The following WASF2 variants were observed in gnomAD, a reference collection of about 807,000 sequenced individuals.
WASF2 encodes the protein WASP family member 2.
A neutral mutation model predicts 45.0 loss-of-function variants in WASF2; 14 were observed. That is an observed-to-expected ratio of 0.31 (90% CI 0.21 to 0.49). The LOEUF is 0.49. Ranked by LOEUF, WASF2 falls within the 20% of genes least tolerant of loss-of-function variation. The probability of loss-of-function intolerance (pLI) is 0.99; values close to 1 mark genes in which losing one functional copy is unlikely to be tolerated. For synonymous variants in WASF2, 200 were observed against 236.3 expected (o/e 0.85, Z 1.41); for missense variants, 439 against 636.1 (o/e 0.69, Z 3.33).
chr1:27,423,632 TC>T (rs1228769172), intron 2 of WASF2, among the ~76,000 whole-genome samples: 12 of 152,244 alleles, frequency 7.9e-5, no homozygotes, highest in Non-Finnish European at 1.8e-4. Context: ...AGTGTCTTGT[TC>T]AGAGTTAAAT....
At chr1:27,476,197 G>A (rs1271860226) in intron 1 of WASF2, among the ~76,000 whole-genome samples, 1 of 152,222 alleles carries the variant, frequency 6.6e-6, no homozygotes, top group Non-Finnish European at 1.5e-5. Context: ...CTGATGAGAA[G>A]GTAAATGGTG....
At chr1:27,413,333 C>T (rs984122663) in intron 6 of WASF2, among the ~76,000 whole-genome samples, 2 of 152,176 alleles carry the variant, frequency 1.3e-5, no homozygotes, top group Non-Finnish European at 2.9e-5. Flanking sequence ...AAACCTGTCC[C>T]TCAGTGCACT....
Position 27,405,444 on chromosome 1 carries a change from T to TA in WASF2, c.*2744dup, listed in dbSNP as rs1197469324. 6.6e-6 allele frequency: 1 copy of TA among 152,198 alleles called. No individual in the cohort carries two copies. 9.4% of individuals were successfully genotyped at this position (152,198 alleles called of 1,614,324 possible). A position where few individuals can be genotyped will look rare whatever the true frequency, so the allele number is the denominator to read the frequency against. ...GAGGAGGCTCCTTGGCTTCGGCGCT[T>TA]AGGAGTCCTTATGGGCCATTGTTCC... On this transcript the variant is annotated 3_prime_UTR_variant, in exon 9 of 9. Coordinates refer to ENST00000618852, the MANE Select transcript of WASF2 (RefSeq NM_006990.5).
intron 1 of WASF2, among the ~76,000 whole-genome samples, chr1:27,464,991 T>A (rs2017595644): frequency 1.3e-5 from 2 of 152,236 alleles, no homozygotes; most frequent in Non-Finnish European, 2.9e-5. Context: ...CCTCCCAAAG[T>A]GCTGGGATTA....
intron 1 of WASF2, among the ~76,000 whole-genome samples, chr1:27,458,861 C>T (rs2017508975): frequency 6.6e-6 from 1 of 151,766 alleles, no homozygotes; most frequent in South Asian, 2.1e-4. Flanking sequence ...CGCAGAGGCT[C>T]ATGCCTGTAA....
intron 3 of WASF2, 147 bp downstream of exon 3, chr1:27,418,807 A>C (rs972154867): frequency 3.0e-6 from 3 of 1,002,322 alleles, no homozygotes; most frequent in East Asian, 2.6e-5. Context: ...TCTTTCCAGC[A>C]CTCAGGCTTG....
chr1:27,450,476 CCTTT>C (rs1351427526), intron 1 of WASF2, among the ~76,000 whole-genome samples: 7 of 152,016 alleles, frequency 4.6e-5, no homozygotes, highest in Non-Finnish European at 7.4e-5. Context: ...AAGCTGTCTG[CCTTT>C]CTTTTTTCCC....
At chr1:27,436,163 T>A (rs969731789) in intron 1 of WASF2, among the ~76,000 whole-genome samples, 1 of 152,218 alleles carries the variant, frequency 6.6e-6, no homozygotes, top group African/African-American at 2.4e-5. Context: ...TTAAAGAACA[T>A]GGCTGGGTGT....
intron 1 of WASF2, among the ~76,000 whole-genome samples, chr1:27,475,186 A>T (rs931117710): frequency 3.3e-5 from 5 of 152,128 alleles, no homozygotes; most frequent in Non-Finnish European, 7.4e-5. Context: ...CTGAGGCAGG[A>T]GTTCAAAGCT....
At chr1:27,423,546 G>A (rs985528585) in intron 2 of WASF2, among the ~76,000 whole-genome samples, 3 of 152,144 alleles carry the variant, frequency 2.0e-5, no homozygotes, top group Admixed American at 1.3e-4. Context: ...TAATTTGATA[G>A]TATCTATTCT....
At chr1:27,454,185 A>AT (rs1386019208) in intron 1 of WASF2, among the ~76,000 whole-genome samples, 40 of 7,952 alleles carry the variant, frequency 5.0e-3, no homozygotes, top group African/African-American at 0.012. Context: ...ATATATATAT[A>AT]TATTTTTTTT....
chr1:27,465,793 A>G (rs2017605042), intron 1 of WASF2, among the ~76,000 whole-genome samples: 1 of 152,194 alleles, frequency 6.6e-6, no homozygotes, highest in South Asian at 2.1e-4. Context: ...TGTGGTCTCT[A>G]AACACAATAT....
At chr1:27,476,915 TGACAGAAAAATAGTTCA>T in intron 1 of WASF2, among the ~76,000 whole-genome samples, 1 of 152,276 alleles carries the variant, frequency 6.6e-6, no homozygotes, top group East Asian at 1.9e-4. Context: ...GGTAATTCAG[TGACAGAAAAATAGTTCA>T]AACTATAATT....
intron 3 of WASF2, 138 bp from the exon 4 acceptor site, chr1:27,418,560 C>A (rs567729941): frequency 9.8e-6 from 12 of 1,218,364 alleles, no homozygotes; most frequent in South Asian, 4.5e-5. Flanking sequence ...TTTCCCTCCC[C>A]CTCTGGGGAA....
At chr1:27,427,116 A>T (rs994524652) in intron 2 of WASF2, among the ~76,000 whole-genome samples, 6 of 152,146 alleles carry the variant, frequency 3.9e-5, no homozygotes, top group Admixed American at 6.5e-5. Context: ...GCTGGTACAT[A>T]AAATATGTTC....
chr1:27,487,506 ATATGT>A (rs1557626429), intron 1 of WASF2, among the ~76,000 whole-genome samples: 1 of 114,388 alleles, frequency 8.7e-6, no homozygotes, highest in Non-Finnish European at 1.7e-5. Flanking sequence ...ATATTATAAT[ATATGT>A]TATATTATAT....
At chr1:27,446,788 A>C (rs942497567) in intron 1 of WASF2, among the ~76,000 whole-genome samples, 1 of 151,996 alleles carries the variant, frequency 6.6e-6, no homozygotes, top group African/African-American at 2.4e-5. Flanking sequence ...CTCCAAAAAA[A>C]AAAAAAAAAA....
intron 1 of WASF2, among the ~76,000 whole-genome samples, chr1:27,437,186 G>A (rs1020509909): frequency 6.6e-6 from 1 of 152,024 alleles, no homozygotes; most frequent in African/African-American, 2.4e-5. Flanking sequence ...TAAAATTGGG[G>A]GAATCTCTTT....
At position 27,409,803 on chromosome 1, in the gene WASF2, C is replaced by T. The variant is rs2016735205; in HGVS notation, c.1228G>A (p.Ala410Thr). The T allele has an allele frequency of 1.3e-6, 2 of 1,562,856 alleles. No homozygotes were observed. The highest frequency in any genetic ancestry group is 3.7e-5 in the Admixed American group (2 of 53,492). Residue 410 changes from alanine to threonine, a missense_variant, in exon 8 of 9, where the codon GCA becomes ACA. Ala to Thr is a moderately conservative substitution (Grantham distance 58, BLOSUM62 0). Around this residue, in one of 5 missense-constraint regions of WASF2, gnomAD observed 286 missense variants for 373.5 expected, o/e 0.77. Transcript: ENST00000618852. ...GGTGGTATAGCAGGCTGGCCATCTG[C>T]ACCAGTGAAAGGGGGAGGAGGGGGC... ...PGPPPPPFTG[A>T]DGQPAIPPPL...
Sources: gnomAD v4.1 joint callset for allele counts (sites outside exome capture counted in the v4.1 genomes callset) on GRCh38, gnomAD v4.1.1 for gene constraint, gnomAD v4.1.1 regional missense constraint, MANE v1.5 for transcripts, NCBI Gene and HGNC (gene_info 2026-07-23, HGNC 2026-07-21) for gene names.